Variants in RSPO2 observed in about 807,000 individuals in gnomAD.
RSPO2 encodes the protein R-spondin-2.
Under a neutral mutation model 30.9 loss-of-function variants are expected in RSPO2, and 14 were observed. That is an observed-to-expected ratio of 0.45 (90% CI 0.30 to 0.71). RSPO2 has a LOEUF of 0.71. Among genes scored for constraint, RSPO2 ranks in the 30% least tolerant of loss-of-function variants. The probability of loss-of-function intolerance (pLI) is 0.08; values close to 1 mark genes in which losing one functional copy is unlikely to be tolerated. For synonymous variants in RSPO2, 107 were observed against 96.4 expected (o/e 1.11, Z -0.64); for missense variants, 264 against 301.9 (o/e 0.87, Z 0.93).
At position 107,899,949 on chromosome 8, in the gene RSPO2, G is replaced by A. The variant is rs1563740198; in HGVS notation, c.*1126C>T. The A allele has an allele frequency of 6.6e-6, 1 of 152,186 alleles. No homozygotes were observed. Among genetic ancestry groups the A allele is most frequent in the African/African-American group, 2.4e-5 (1 of 41,426 alleles). The allele number at this position is 152,186 out of a possible 1,614,324, so 9.4% of individuals were successfully genotyped here. ...CTAAAATTCTATGCCCAGGCTCATGGTAGTAGCTTCTTCAGTGACCCAAGA... is the reference window on the plus strand; with the variant it reads ...CTAAAATTCTATGCCCAGGCTCATGATAGTAGCTTCTTCAGTGACCCAAGA... On this transcript the variant is annotated 3_prime_UTR_variant, in exon 6 of 6. Coordinates refer to ENST00000276659, the MANE Select transcript of RSPO2 (RefSeq NM_178565.5).
intron 2 of RSPO2, among the ~76,000 whole-genome samples, chr8:108,063,488 C>G (rs1812546370): frequency 1.3e-5 from 2 of 151,698 alleles, no homozygotes; most frequent in South Asian, 4.2e-4. Flanking sequence ...CATGAAGGAC[C>G]TCTTCAAGGA....
intron 2 of RSPO2, among the ~76,000 whole-genome samples, chr8:108,033,167 T>C (rs897901960): frequency 6.6e-6 from 1 of 151,644 alleles, no homozygotes; most frequent in African/African-American, 2.4e-5. Flanking sequence ...ACTCAAAGTG[T>C]GGATATTACA....
intron 5 of RSPO2, among the ~76,000 whole-genome samples, chr8:107,925,530 T>C (rs962272324): frequency 6.6e-6 from 1 of 151,932 alleles, no homozygotes; most frequent in African/African-American, 2.4e-5. Context: ...CGTTAGGTAT[T>C]TCTCCTAATG....
intron 2 of RSPO2, among the ~76,000 whole-genome samples, chr8:108,005,061 T>A (rs1204887829): frequency 2.6e-5 from 4 of 152,190 alleles, no homozygotes; most frequent in African/African-American, 9.6e-5. Flanking sequence ...TTTCATGAGC[T>A]TAACAGTTTT....
Position 107,960,915 on chromosome 8 carries a change from G to C in RSPO2, c.284-98C>G, listed in dbSNP as rs916177766. The C allele has an allele frequency of 2.4e-5, 20 of 837,752 alleles. No homozygotes were observed. The African/African-American group carries it at 3.3e-4, about 14-fold the overall frequency. The allele number at this position is 837,752 out of a possible 1,614,324, so 51.9% of individuals were successfully genotyped here. On this transcript the variant is annotated intron_variant, in intron 3 of 5. Coordinates refer to ENST00000276659, the MANE Select transcript of RSPO2 (RefSeq NM_178565.5). Reference sequence around the variant, plus strand: ...TGTAAACTCACAAGTTAGCCCATTTGAAATTCTCATCATCAGAGAAATATT... The same window carrying C: ...TGTAAACTCACAAGTTAGCCCATTTCAAATTCTCATCATCAGAGAAATATT...
intron 5 of RSPO2, among the ~76,000 whole-genome samples, chr8:107,927,629 G>A (rs13439125): frequency 0.053 from 8,062 of 152,138 alleles, 351 homozygotes; most frequent in African/African-American, 0.12. Flanking sequence ...TTTGTCAAAG[G>A]CCTTTTCTGC....
intron 2 of RSPO2, among the ~76,000 whole-genome samples, chr8:108,018,117 T>C (rs1810951631): frequency 6.6e-6 from 1 of 152,212 alleles, no homozygotes; most frequent in African/African-American, 2.4e-5. Context: ...CCTCATTTCA[T>C]ATTTATACTT....
chr8:107,915,030 G>A (rs1586537837), intron 5 of RSPO2, among the ~76,000 whole-genome samples: 2 of 152,036 alleles, frequency 1.3e-5, no homozygotes, highest in Admixed American at 1.3e-4. Context: ...AATGAAGTAG[G>A]CCACCTGAAA....
intron 2 of RSPO2, among the ~76,000 whole-genome samples, chr8:108,076,712 T>C (rs1014577165): frequency 3.9e-5 from 6 of 152,106 alleles, no homozygotes; most frequent in Admixed American, 1.3e-4. Flanking sequence ...TCTATCCATA[T>C]TGGCAGTAAT....
chr8:108,042,400 G>A (rs1420122054), intron 2 of RSPO2, among the ~76,000 whole-genome samples: 4 of 152,126 alleles, frequency 2.6e-5, no homozygotes, highest in East Asian at 1.9e-4. Flanking sequence ...AGAGTAATGA[G>A]AAGCAGCCCT....
At chr8:107,908,974 T>C (rs928742735) in intron 5 of RSPO2, among the ~76,000 whole-genome samples, 7 of 152,186 alleles carry the variant, frequency 4.6e-5, no homozygotes, top group Admixed American at 4.6e-4. Flanking sequence ...GAAAGTCACA[T>C]AGATTTGACA....
chr8:107,944,566 C>CA (rs561558515), intron 5 of RSPO2, among the ~76,000 whole-genome samples: 149 of 151,808 alleles, frequency 9.8e-4, no homozygotes, highest in African/African-American at 3.1e-3. Context: ...TACCATAACA[C>CA]AAAAAAAATC....
chr8:107,970,552 G>A (rs1266994553), intron 3 of RSPO2, among the ~76,000 whole-genome samples: 2 of 152,198 alleles, frequency 1.3e-5, no homozygotes, highest in African/African-American at 4.8e-5. Context: ...CCATCTGGCT[G>A]TGGGCATAAG....
At chr8:108,058,646 A>G (rs899997064) in intron 2 of RSPO2, among the ~76,000 whole-genome samples, 8 of 152,000 alleles carry the variant, frequency 5.3e-5, no homozygotes, top group Admixed American at 5.2e-4. Flanking sequence ...GTACCAAAAC[A>G]GAGATATAGA....
chr8:107,926,955 G>A (rs914870205), intron 5 of RSPO2, among the ~76,000 whole-genome samples: 21 of 152,020 alleles, frequency 1.4e-4, no homozygotes, highest in African/African-American at 4.6e-4. Context: ...AGCTTGATGG[G>A]GATGGCATTG....
At chr8:107,918,907 A>T (rs1221923973) in intron 5 of RSPO2, among the ~76,000 whole-genome samples, 10 of 152,052 alleles carry the variant, frequency 6.6e-5, no homozygotes, top group Admixed American at 5.2e-4. Context: ...CTGTTCTTGA[A>T]TTTTTTCTGC....
chr8:108,005,202 C>T (rs1230030173), intron 2 of RSPO2, among the ~76,000 whole-genome samples: 1 of 152,120 alleles, frequency 6.6e-6, no homozygotes, highest in Admixed American at 6.5e-5. Context: ...AAGAGGCACA[C>T]GATGCATTTT....
chr8:107,992,172 G>GACACACACACACAC (rs1317696992), intron 2 of RSPO2, among the ~76,000 whole-genome samples: 1 of 52,270 alleles, frequency 1.9e-5, no homozygotes, highest in African/African-American at 1.8e-4. Flanking sequence ...AAGAAAATGT[G>GACACACACACACAC]ATACACACAC....
chr8:107,940,015 GTTATAGACTGCAGCCA>G (rs1812844967), intron 5 of RSPO2, among the ~76,000 whole-genome samples: 1 of 151,996 alleles, frequency 6.6e-6, no homozygotes, highest in Non-Finnish European at 1.5e-5. Context: ...CTTCTTCAAA[GTTATAGACTGCAGCCA>G]CCCTAGATCC....
Sources: allele counts gnomAD v4.1 joint callset (sites outside exome capture counted in the v4.1 genomes callset), GRCh38; gene constraint gnomAD v4.1.1; transcripts MANE v1.5; gene names NCBI Gene and HGNC (gene_info 2026-07-23, HGNC 2026-07-21).